The following DYNC1LI2 variants were observed in gnomAD, a reference collection of about 807,000 sequenced individuals.
DYNC1LI2 encodes dynein cytoplasmic 1 light intermediate chain 2.
A neutral mutation model predicts 57.8 loss-of-function variants in DYNC1LI2; 19 were observed. The observed-to-expected ratio is 0.33, with a 90% CI of 0.23 to 0.48. The LOEUF (loss-of-function observed/expected upper bound fraction) is 0.48. Among genes scored for constraint, DYNC1LI2 ranks in the 20% least tolerant of loss-of-function variants. The probability of loss-of-function intolerance (pLI) is 0.99; values close to 1 mark genes in which losing one functional copy is unlikely to be tolerated. For missense variants in DYNC1LI2, 470 were observed against 604.2 expected (o/e 0.78, Z 2.33); for synonymous variants, 256 against 233.4 (o/e 1.10, Z -0.88).
chr16:66,727,143 C>T (rs867800070), intron 11 of DYNC1LI2, among the ~76,000 whole-genome samples: 7 of 152,276 alleles, frequency 4.6e-5, no homozygotes, highest in Non-Finnish European at 8.8e-5. Flanking sequence ...GTCTCGAACT[C>T]TTTAGCTCAA....
chr16:66,750,940 C>G (rs1292123430), intron 2 of DYNC1LI2, among the ~76,000 whole-genome samples: 3 of 152,222 alleles, frequency 2.0e-5, no homozygotes, highest in Non-Finnish European at 2.9e-5. Flanking sequence ...TCACCTCGTT[C>G]TCCCACCTTC....
intron 12 of DYNC1LI2, among the ~76,000 whole-genome samples, chr16:66,725,172 CTCT>C (rs2017515282): frequency 1.6e-5 from 2 of 123,390 alleles, no homozygotes; most frequent in East Asian, 5.9e-4. Context: ...AAGACTCCAT[CTCT>C]ATCAAAAAAA....
chr16:66,724,079 T>C (rs2144963129), intron 12 of DYNC1LI2, among the ~76,000 whole-genome samples: 1 of 152,248 alleles, frequency 6.6e-6, no homozygotes, highest in Middle Eastern at 3.4e-3. Context: ...GGGGTGCCTT[T>C]GTGCCAAATA....
chr16:66,728,793 A>G (rs1255442918), intron 9 of DYNC1LI2, among the ~76,000 whole-genome samples: 1 of 152,234 alleles, frequency 6.6e-6, no homozygotes, highest in Non-Finnish European at 1.5e-5. Flanking sequence ...AAGAAAGAGC[A>G]CTTAAAAGAT....
Position 66,721,125 on chromosome 16 carries a change from G to A in DYNC1LI2, c.*2597C>T, listed in dbSNP as rs151179697. On this transcript the variant is annotated 3_prime_UTR_variant, in exon 13 of 13. Coordinates refer to ENST00000258198, the MANE Select transcript of DYNC1LI2 (RefSeq NM_006141.3). ...CACTTACAGCATTAACATTGTTAAGGTCATGATGTACAGAGCAGTCACTTT... is the reference window on the plus strand; with the variant it reads ...CACTTACAGCATTAACATTGTTAAGATCATGATGTACAGAGCAGTCACTTT... 1.9e-4 allele frequency: 29 copies of A among 152,660 alleles called. No individual in the cohort carries two copies. In the East Asian group the frequency reaches 5.0e-3, roughly 26 times the overall value. 9.5% of individuals were successfully genotyped at this position (152,660 alleles called of 1,614,324 possible).
chr16:66,738,880 AACAAACACACACAC>A (rs1369043563), intron 4 of DYNC1LI2: 1 of 103,188 alleles, frequency 9.7e-6, no homozygotes, highest in Non-Finnish European at 1.9e-5. Flanking sequence ...TTCAAAAAAA[AACAAACACACACAC>A]ACACACACAC....
chr16:66,743,102 C>T (rs539703469), intron 3 of DYNC1LI2, among the ~76,000 whole-genome samples: 86 of 151,972 alleles, frequency 5.7e-4, no homozygotes, highest in African/African-American at 2.1e-3. Context: ...GTAGAGGTTG[C>T]GATGAGCTGA....
chr16:66,735,434 A>G (rs1436154428), intron 5 of DYNC1LI2, among the ~76,000 whole-genome samples: 2 of 151,936 alleles, frequency 1.3e-5, no homozygotes, highest in African/African-American at 4.8e-5. Context: ...TCATCATTCT[A>G]ATTTTCCACC....
At chr16:66,744,587 T>C (rs1378832500) in intron 3 of DYNC1LI2, among the ~76,000 whole-genome samples, 1 of 152,096 alleles carries the variant, frequency 6.6e-6, no homozygotes, top group African/African-American at 2.4e-5. Flanking sequence ...CAGGCTGGAG[T>C]GTAGTGGCAC....
intron 3 of DYNC1LI2, among the ~76,000 whole-genome samples, chr16:66,745,911 GA>G (rs369852325): frequency 7.4e-5 from 11 of 148,918 alleles, no homozygotes; most frequent in African/African-American, 2.2e-4. Flanking sequence ...CTCAAAAAAA[GA>G]AAAAAAATAA....
At chr16:66,724,312 A>G (rs2017499560) in intron 12 of DYNC1LI2, among the ~76,000 whole-genome samples, 1 of 152,194 alleles carries the variant, frequency 6.6e-6, no homozygotes. Context: ...CACAAAATCT[A>G]TACTTGTATT....
chr16:66,741,770 G>A (rs1441914960), intron 4 of DYNC1LI2, among the ~76,000 whole-genome samples: 1 of 151,464 alleles, frequency 6.6e-6, no homozygotes, highest in Non-Finnish European at 1.5e-5. Flanking sequence ...CAAGGGAAAG[G>A]AAAAACAAGC....
chr16:66,725,809 C>A lies in DYNC1LI2; in HGVS notation c.1378+19G>T, dbSNP rs1199738549. ...CTACTCAACCACAAGAGTCACAAGT[C>A]TCCAGGGCCCTTCTGTACCTGACTT... On this transcript the variant is annotated intron_variant, in intron 12 of 12. Transcript: ENST00000258198. 6 of 1,609,342 alleles carry A rather than the reference C, an allele frequency of 3.7e-6. No homozygotes were observed. The highest frequency in any genetic ancestry group is 5.1e-6 in the Non-Finnish European group (6 of 1,178,092).
At chr16:66,732,536 A>C in intron 6 of DYNC1LI2, 62 bp from the exon 7 acceptor site, 2 of 1,562,590 alleles carry the variant, frequency 1.3e-6, no homozygotes, top group South Asian at 1.2e-5. Context: ...GAACACATAC[A>C]ACCTCAAAGT....
intron 6 of DYNC1LI2, chr16:66,733,089 C>T (rs1219111267): frequency 6.6e-6 from 1 of 152,100 alleles, no homozygotes; most frequent in Non-Finnish European, 1.5e-5. Flanking sequence ...ATGGACAGCA[C>T]AAAACATAAA....
chr16:66,728,036 T>C lies in DYNC1LI2; in HGVS notation c.1143+165A>G, dbSNP rs532866906. ...AGAGTTGTATTCTTTCATCAGAAACTTCTTGAGTTTCTTTTATGTTTCTGG... is the reference window on the plus strand; with the variant it reads ...AGAGTTGTATTCTTTCATCAGAAACCTCTTGAGTTTCTTTTATGTTTCTGG... On this transcript the variant is annotated intron_variant, in intron 10 of 12. Transcript: ENST00000258198. The C allele has an allele frequency of 3.2e-5, 32 of 1,012,966 alleles. No individual in the cohort carries two copies. The African/African-American group carries it at 4.9e-4, about 15-fold the overall frequency. The allele number at this position is 1,012,966 out of a possible 1,614,324, so 62.7% of individuals were successfully genotyped here. A position where few individuals can be genotyped will look rare whatever the true frequency, so the allele number is the denominator to read the frequency against.
chr16:66,732,953 A>G (rs1322147432), intron 6 of DYNC1LI2: 1 of 152,324 alleles, frequency 6.6e-6, no homozygotes, highest in Non-Finnish European at 1.5e-5. Context: ...CTAATGGGCC[A>G]TCCCAAAAAA....
rs567530189 is a variant in DYNC1LI2, at chr16:66,734,328, C to G, written c.700-17G>C. 2.2e-4 allele frequency: 357 copies of G among 1,613,228 alleles called. 7 individuals carry two copies. The South Asian group carries it at 3.7e-3, about 17-fold the overall frequency. On this transcript the variant is annotated splice_polypyrimidine_tract_variant and intron_variant, in intron 5 of 12. Coordinates refer to ENST00000258198, the MANE Select transcript of DYNC1LI2 (RefSeq NM_006141.3). ...CGCATCACACTGCAGGGAAGACAGA[C>G]AGAGTCACCTTTTTGCTTCATTGCC...
chr16:66,740,001 C>G (rs1296552408), intron 4 of DYNC1LI2, among the ~76,000 whole-genome samples: 2 of 152,196 alleles, frequency 1.3e-5, no homozygotes, highest in Non-Finnish European at 2.9e-5. Context: ...TGCTGCTTCT[C>G]TCTCAACTTT....
Sources: allele counts gnomAD v4.1 joint callset (sites outside exome capture counted in the v4.1 genomes callset), GRCh38; gene constraint gnomAD v4.1.1; transcripts MANE v1.5; gene names NCBI Gene and HGNC (gene_info 2026-07-23, HGNC 2026-07-21).